The following TNFSF4 variants were observed in gnomAD, a reference collection of about 807,000 sequenced individuals.
TNFSF4 encodes TNF superfamily member 4.
A neutral mutation model predicts 7.3 loss-of-function variants in TNFSF4; 4 were observed. The ratio of observed to expected loss-of-function variants is 0.55; its 90% CI spans 0.27 to 1.25. TNFSF4 has a LOEUF of 1.25. Ranked by LOEUF, TNFSF4 falls within the 50% of genes most tolerant of loss-of-function variation. The probability of loss-of-function intolerance (pLI) is 0.12; values close to 1 mark genes in which losing one functional copy is unlikely to be tolerated. For synonymous variants in TNFSF4, 76 were observed against 83.7 expected, an observed-to-expected ratio of 0.91 and a Z score of 0.50; for missense variants, 181 against 208.8, an observed-to-expected ratio of 0.87 and a Z score of 0.82.
At chr1:173,389,540 C>T in the TNFSF4 span, among the ~76,000 whole-genome samples, 1 of 152,028 alleles carries the variant, frequency 6.6e-6, no homozygotes, top group Non-Finnish European at 1.5e-5. Flanking sequence ...TACACATATA[C>T]AAAAACATAC....
At chr1:173,278,555 A>G in the TNFSF4 span, among the ~76,000 whole-genome samples, 2 of 152,134 alleles carry the variant, frequency 1.3e-5, no homozygotes, top group Non-Finnish European at 2.9e-5. Flanking sequence ...GCAGAGCTCA[A>G]TGAAACTTTC....
At chr1:173,358,165 A>C in the TNFSF4 span, among the ~76,000 whole-genome samples, 1 of 152,210 alleles carries the variant, frequency 6.6e-6, no homozygotes, top group Non-Finnish European at 1.5e-5. Context: ...AGTTGGAATG[A>C]TGTAGGGTCA....
chr1:173,180,005 A>T (rs1222049892), downstream of TNFSF4, among the ~76,000 whole-genome samples: 2 of 152,130 alleles, frequency 1.3e-5, no homozygotes, highest in East Asian at 3.8e-4. Context: ...CCCCAGAGAG[A>T]CCTTGCCTCT....
intron 1 of TNFSF4, among the ~76,000 whole-genome samples, chr1:173,194,566 G>C (rs1305319765): frequency 6.6e-6 from 1 of 152,050 alleles, no homozygotes; most frequent in Non-Finnish European, 1.5e-5. Flanking sequence ...GAAAAGTCTA[G>C]AAATGAGGCC....
the TNFSF4 span, among the ~76,000 whole-genome samples, chr1:173,233,784 A>T: frequency 5.3e-5 from 8 of 152,182 alleles, no homozygotes; most frequent in African/African-American, 1.4e-4. Context: ...TACACCTTAT[A>T]AAAAAATTAA....
chr1:173,324,199 G>T, the TNFSF4 span, among the ~76,000 whole-genome samples: 29 of 152,082 alleles, frequency 1.9e-4, no homozygotes, highest in Middle Eastern at 3.2e-3. Context: ...GGGGCGGGGG[G>T]GCCAATATTC....
At chr1:173,245,519 A>G in the TNFSF4 span, among the ~76,000 whole-genome samples, 3 of 152,182 alleles carry the variant, frequency 2.0e-5, no homozygotes, top group Non-Finnish European at 2.9e-5. Flanking sequence ...GTTTCCATAC[A>G]TGTATACATT....
At chr1:173,435,088 C>A in the TNFSF4 span, among the ~76,000 whole-genome samples, 3 of 152,196 alleles carry the variant, frequency 2.0e-5, no homozygotes, top group Admixed American at 1.3e-4. Flanking sequence ...TTCGTGGTCA[C>A]TCATGACCAT....
the TNFSF4 span, among the ~76,000 whole-genome samples, chr1:173,398,115 T>C: frequency 1.3e-5 from 2 of 152,196 alleles, no homozygotes; most frequent in Non-Finnish European, 2.9e-5. Flanking sequence ...GGCAAGGTCA[T>C]CAGTACAACT....
chr1:173,415,067 T>G, the TNFSF4 span, among the ~76,000 whole-genome samples: 1 of 152,238 alleles, frequency 6.6e-6, no homozygotes, highest in African/African-American at 2.4e-5. Flanking sequence ...TCCCCCAGCG[T>G]GCTGATTGGC....
chr1:173,438,824 G>GTA, the TNFSF4 span, among the ~76,000 whole-genome samples: 2 of 152,210 alleles, frequency 1.3e-5, no homozygotes, highest in Admixed American at 6.5e-5. Context: ...CACAGACTGA[G>GTA]TAAAAGTCCA....
chr1:173,345,490 G>T, the TNFSF4 span, among the ~76,000 whole-genome samples: 6 of 152,182 alleles, frequency 3.9e-5, no homozygotes, highest in Admixed American at 3.9e-4. Context: ...ATCAGGCTGG[G>T]GGTCAGTAGA....
At chr1:173,219,503 A>G in the TNFSF4 span, among the ~76,000 whole-genome samples, 6 of 152,226 alleles carry the variant, frequency 3.9e-5, no homozygotes, top group African/African-American at 1.4e-4. Flanking sequence ...TAGAACTACC[A>G]TTTGATCCAA....
At chr1:173,449,024 G>C in the TNFSF4 span, among the ~76,000 whole-genome samples, 1 of 152,208 alleles carries the variant, frequency 6.6e-6, no homozygotes, top group Non-Finnish European at 1.5e-5. Context: ...GTGGGGCCTG[G>C]TGGGAGGTGA....
At chr1:173,260,474 C>A in the TNFSF4 span, among the ~76,000 whole-genome samples, 1 of 152,132 alleles carries the variant, frequency 6.6e-6, no homozygotes, top group Admixed American at 6.5e-5. Context: ...ATGATAGGAT[C>A]AAATCCACAC....
chr1:173,382,857 T>C, the TNFSF4 span, among the ~76,000 whole-genome samples: 15 of 144,646 alleles, frequency 1.0e-4, no homozygotes, highest in African/African-American at 3.6e-4. Context: ...GGCACCATTC[T>C]AAGAGATTTA....
chr1:173,395,030 AG>A, the TNFSF4 span, among the ~76,000 whole-genome samples: 1 of 90,974 alleles, frequency 1.1e-5, no homozygotes, highest in African/African-American at 4.1e-5. Context: ...ATAGATAGAT[AG>A]ATAGATGATA....
the TNFSF4 span, among the ~76,000 whole-genome samples, chr1:173,257,029 A>G: frequency 2.6e-5 from 4 of 152,298 alleles, no homozygotes; most frequent in East Asian, 7.7e-4. Flanking sequence ...TCACTTCTCC[A>G]CTGTTGAACT....
the TNFSF4 span, among the ~76,000 whole-genome samples, chr1:173,293,011 A>T: frequency 6.6e-6 from 1 of 152,172 alleles, no homozygotes; most frequent in Non-Finnish European, 1.5e-5. Context: ...TAAATGGAGA[A>T]ATATTCCATG....
Sources: allele counts gnomAD v4.1 joint callset (sites outside exome capture counted in the v4.1 genomes callset), GRCh38; gene constraint gnomAD v4.1.1; transcripts MANE v1.5; gene names NCBI Gene and HGNC (gene_info 2026-07-23, HGNC 2026-07-21).